The following CPVL variants were observed in gnomAD, a reference collection of about 807,000 sequenced individuals.
CPVL encodes carboxypeptidase vitellogenic like, also known as probable serine carboxypeptidase CPVL.
In CPVL, 51 loss-of-function variants were observed where a neutral mutation model predicts 63.7. The observed-to-expected ratio is 0.80, with a 90% CI of 0.64 to 1.01. The LOEUF is 1.01. Ranked by LOEUF, CPVL falls within the 50% of genes least tolerant of loss-of-function variation. The probability of loss-of-function intolerance (pLI) is 0.00; values close to 1 mark genes in which losing one functional copy is unlikely to be tolerated. For missense variants in CPVL, 530 were observed against 573.1 expected (o/e 0.92, Z 0.77); for synonymous variants, 195 against 206.0 (o/e 0.95, Z 0.46).
chr7:29,126,640 C>G (rs923016513), intron 1 of CPVL: 1 of 152,178 alleles, frequency 6.6e-6, no homozygotes, highest in African/African-American at 2.4e-5. Flanking sequence ...TTTAAACCAG[C>G]CTTATATTCT....
chr7:29,171,856 G>A (rs17157604), intron 5 of CPVL, among the ~76,000 whole-genome samples: 17,890 of 152,140 alleles, frequency 0.12, 1,228 homozygotes, highest in African/African-American at 0.18. Flanking sequence ...CAAGCATGCC[G>A]TCACATATAG....
At chr7:29,042,284 T>G (rs1789181993) in intron 11 of CPVL, among the ~76,000 whole-genome samples, 1 of 152,076 alleles carries the variant, frequency 6.6e-6, no homozygotes, top group African/African-American at 2.4e-5. Context: ...TCCCCAACAT[T>G]ACTACTGTCA....
intron 1 of CPVL, among the ~76,000 whole-genome samples, chr7:29,130,745 C>T (rs972486109): frequency 2.0e-5 from 3 of 152,106 alleles, no homozygotes; most frequent in South Asian, 2.1e-4. Context: ...CAGAATATAA[C>T]GAAATCTGCC....
chr7:29,068,695 TTTG>T (rs1783390437), intron 9 of CPVL, among the ~76,000 whole-genome samples: 1 of 149,584 alleles, frequency 6.7e-6, no homozygotes. Context: ...TTTTTTTTTC[TTTG>T]TTTTTTTTTT....
chr7:29,129,711 C>A (rs1394210185), intron 1 of CPVL, among the ~76,000 whole-genome samples: 1 of 152,068 alleles, frequency 6.6e-6, no homozygotes, highest in Non-Finnish European at 1.5e-5. Context: ...TTGTGAACTG[C>A]CCACCTCGGC....
intron 5 of CPVL, among the ~76,000 whole-genome samples, chr7:29,167,794 AT>A (rs1381310144): frequency 6.6e-6 from 1 of 152,230 alleles, no homozygotes; most frequent in Non-Finnish European, 1.5e-5. Context: ...AGTAGAAGGA[AT>A]TGCACTTCCT....
chr7:29,076,055 C>T (rs1346442510), intron 7 of CPVL, among the ~76,000 whole-genome samples: 2 of 136,716 alleles, frequency 1.5e-5, no homozygotes, highest in East Asian at 2.3e-4. Flanking sequence ...CTTCAAAAGA[C>T]AACCAGGTAA....
At chr7:29,031,724 AT>A (rs1293969573) in intron 11 of CPVL, among the ~76,000 whole-genome samples, 1 of 152,164 alleles carries the variant, frequency 6.6e-6, no homozygotes, top group African/African-American at 2.4e-5. Context: ...CTCAAACACA[AT>A]CCAGAAGTCC....
rs934956499 is a variant in CPVL at position 29,089,931 on chromosome 7, C to T, written c.542+2692G>A. Reference sequence around the variant, plus strand: ...AGGCTGCAGTGCAGTGGTGTGATCTCGGCTCACCACAACCTCTGCCTCCCA... The same window carrying T: ...AGGCTGCAGTGCAGTGGTGTGATCTTGGCTCACCACAACCTCTGCCTCCCA... On this transcript the variant is annotated intron_variant, in intron 6 of 12. Transcript: ENST00000265394. 6.8e-4 allele frequency among the ~76,000 whole-genome samples: 102 copies of T among 149,850 alleles called. 2 individuals are homozygous for T. Among genetic ancestry groups the T allele is most frequent in the Admixed American group, 4.7e-3 (71 of 15,052 alleles).
chr7:29,147,532 C>T (rs1792927260), upstream of CPVL, among the ~76,000 whole-genome samples: 2 of 152,230 alleles, frequency 1.3e-5, no homozygotes, highest in African/African-American at 4.8e-5. Flanking sequence ...CTGTTTTCTC[C>T]TAAGTACCTA....
chr7:29,030,865 A>G, intron 11 of CPVL, 106 bp from the exon 12 acceptor site: 1 of 953,614 alleles, frequency 1.0e-6, no homozygotes, highest in Non-Finnish European at 1.5e-6. Flanking sequence ...AGAGACATGA[A>G]TCTCTCTGAG....
At chr7:29,161,753 A>G (rs1795205132) in intron 5 of CPVL, among the ~76,000 whole-genome samples, 1 of 152,214 alleles carries the variant, frequency 6.6e-6, no homozygotes, top group Non-Finnish European at 1.5e-5. Flanking sequence ...TGAGCCACCA[A>G]CTGGAAGAAA....
chr7:29,005,614 C>T (rs1785116450), intron 12 of CPVL, among the ~76,000 whole-genome samples: 1 of 152,176 alleles, frequency 6.6e-6, no homozygotes, highest in Admixed American at 6.5e-5. Context: ...CCCTCTCTCC[C>T]CTTTCACCAC....
At chr7:29,146,948 A>C (rs1246243693), upstream of CPVL, 1 of 1,551,116 alleles carries the variant, frequency 6.4e-7, no homozygotes, top group Non-Finnish European at 8.7e-7. Context: ...TCTACATTCC[A>C]GCTGCACTAG....
In CPVL at chr7:29,075,154, C is replaced by T. The variant is rs1157864833; in HGVS notation, c.610-2731G>A. Among the ~76,000 whole-genome samples the T allele has an allele frequency of 2.0e-5, 3 of 152,178 alleles. No homozygotes were observed. The East Asian group carries it at 5.8e-4, about 29-fold the overall frequency. ...CCTTTCTGACATGGAAGGGCATGTA[C>T]TTTAAGTTGCTAGGTAGGTAGTCAT... On this transcript the variant is annotated intron_variant, in intron 7 of 12. Transcript: ENST00000265394.
intron 5 of CPVL, among the ~76,000 whole-genome samples, chr7:29,161,684 A>T (rs1306221758): frequency 1.3e-5 from 2 of 152,246 alleles, no homozygotes; most frequent in African/African-American, 4.8e-5. Context: ...TTAAAAATAG[A>T]TACTTAAAAA....
At chr7:29,069,700 T>G (rs1308848556) in intron 9 of CPVL, among the ~76,000 whole-genome samples, 1 of 151,964 alleles carries the variant, frequency 6.6e-6, no homozygotes, top group African/African-American at 2.4e-5. Flanking sequence ...CCTGCCACAA[T>G]CTATTTGTGT....
chr7:29,081,632 G>A (rs1784725856), intron 7 of CPVL, among the ~76,000 whole-genome samples: 1 of 152,196 alleles, frequency 6.6e-6, no homozygotes, highest in Non-Finnish European at 1.5e-5. Flanking sequence ...TAGACACAGA[G>A]TAGAGGGGGA....
chr7:29,176,024 A>G (rs981605146), intron 5 of CPVL, among the ~76,000 whole-genome samples: 23 of 152,084 alleles, frequency 1.5e-4, no homozygotes, highest in African/African-American at 5.3e-4. Flanking sequence ...GTCTCTACTA[A>G]AAATACAAAA....
Sources: allele counts gnomAD v4.1 joint callset (sites outside exome capture counted in the v4.1 genomes callset), GRCh38; gene constraint gnomAD v4.1.1; transcripts MANE v1.5; gene names NCBI Gene and HGNC (gene_info 2026-07-23, HGNC 2026-07-21).